OTUB1: variants seen among roughly 807,000 people sequenced by gnomAD.
OTUB1 encodes the protein OTU deubiquitinase, ubiquitin aldehyde binding 1, also known as ubiquitin thioesterase OTUB1.
A neutral mutation model predicts 35.8 loss-of-function variants in OTUB1; 10 were observed. The observed-to-expected ratio is 0.28, with a 90% CI of 0.17 to 0.47. The LOEUF (loss-of-function observed/expected upper bound fraction) is 0.47, where lower values mean the gene tolerates loss of function less well. Among genes scored for constraint, OTUB1 ranks in the 20% least tolerant of loss-of-function variants. The pLI is 0.99. For synonymous variants in OTUB1, 158 were observed against 143.8 expected, an observed-to-expected ratio of 1.10 and a Z score of -0.71; for missense variants, 264 against 351.6, an observed-to-expected ratio of 0.75 and a Z score of 1.99.
At chr11:63,990,398 T>G (rs1487057346) in intron 3 of OTUB1, 1 of 151,874 alleles carries the variant, frequency 6.6e-6, no homozygotes, top group Non-Finnish European at 1.5e-5. Context: ...GCCCAGGAGT[T>G]CAAGACCAAC....
intron 2 of OTUB1, 85 bp from the exon 3 acceptor site, chr11:63,988,569 C>A: frequency 1.6e-6 from 2 of 1,277,582 alleles, no homozygotes; most frequent in Non-Finnish European, 2.3e-6. Flanking sequence ...GGTGACCAGC[C>A]CAGCTCTTTT....
chr11:63,997,874 T>G lies in OTUB1; in HGVS notation c.*328T>G. On this transcript the variant is annotated 3_prime_UTR_variant, in exon 7 of 7. Coordinates refer to ENST00000538426, the MANE Select transcript of OTUB1 (RefSeq NM_017670.3). Reference sequence around the variant, plus strand: ...CCCCTCCTGCTTCGTTGGGTTCTGCTTCCTTCCCTTCTTAGCTGGCTCAGG... The same window carrying G: ...CCCCTCCTGCTTCGTTGGGTTCTGCGTCCTTCCCTTCTTAGCTGGCTCAGG... 1 of 642,466 alleles carries G rather than the reference T, an allele frequency of 1.6e-6. No homozygotes were observed. The highest frequency in any genetic ancestry group is 2.8e-6 in the Non-Finnish European group (1 of 356,894). The allele number at this position is 642,466 out of a possible 1,614,324, so 39.8% of individuals were successfully genotyped here. A position where few individuals can be genotyped will look rare whatever the true frequency, so the allele number is the denominator to read the frequency against.
intron 4 of OTUB1, 99 bp from the exon 5 acceptor site, chr11:63,996,758 G>A (rs779992695): frequency 1.9e-6 from 3 of 1,609,952 alleles, no homozygotes; most frequent in Non-Finnish European, 1.7e-6. Flanking sequence ...GCGATGGGCT[G>A]GACTCTGGCC....
chr11:63,996,774 A>G, intron 4 of OTUB1, 83 bp from the exon 5 acceptor site: 1 of 1,609,526 alleles, frequency 6.2e-7, no homozygotes, highest in South Asian at 1.1e-5. Flanking sequence ...TGGCCTTGCC[A>G]GGCGGGGCAG....
At chr11:63,995,428 TCAGGTGATCCAACCA>T (rs549160871) in intron 3 of OTUB1, among the ~76,000 whole-genome samples, 1,951 of 152,210 alleles carry the variant, frequency 0.013, 39 homozygotes, top group African/African-American at 0.045. Flanking sequence ...ACTCCCGACC[TCAGGTGATCCAACCA>T]CCTCAGCCTC....
chr11:63,987,922 T>G (rs1407208241), intron 1 of OTUB1, among the ~76,000 whole-genome samples: 1 of 152,048 alleles, frequency 6.6e-6, no homozygotes, highest in Non-Finnish European at 1.5e-5. Flanking sequence ...GATACCACGG[T>G]GCACCTCTGC....
At chr11:63,996,793 C>T (rs747508441) in intron 4 of OTUB1, 64 bp from the exon 5 acceptor site, 44 of 1,609,964 alleles carry the variant, frequency 2.7e-5, no homozygotes, top group Admixed American at 1.9e-4. Context: ...AGTGCTGTCT[C>T]GGCCCTGGCG....
chr11:63,996,290 G>A (rs1942715983), intron 3 of OTUB1, among the ~76,000 whole-genome samples: 1 of 152,194 alleles, frequency 6.6e-6, no homozygotes, highest in Admixed American at 6.6e-5. Context: ...GAACTTTAGT[G>A]ACCCATGCAA....
At position 63,998,318 on chromosome 11, in the gene OTUB1, C is replaced by T. The variant is rs569080024; in HGVS notation, c.*772C>T. Reference sequence around the variant, plus strand: ...ATTGCCTGCCTTTTTGCCTTCACCTCTTTTCTTCCCCGCCCCCTGCACATT... The same window carrying T: ...ATTGCCTGCCTTTTTGCCTTCACCTTTTTTCTTCCCCGCCCCCTGCACATT... On this transcript the variant is annotated 3_prime_UTR_variant, in exon 7 of 7. Transcript: ENST00000538426. The T allele has an allele frequency of 5.8e-6, 1 of 172,494 alleles. No homozygotes were observed. Among genetic ancestry groups the T allele is most frequent in the Non-Finnish European group, 1.3e-5 (1 of 79,994 alleles). 10.7% of individuals were successfully genotyped at this position (172,494 alleles called of 1,614,324 possible). A position where few individuals can be genotyped will look rare whatever the true frequency, so the allele number is the denominator to read the frequency against.
In OTUB1 at chr11:63,997,039, C is replaced by T. The variant is rs770545018; in HGVS notation, c.424-11C>T. On this transcript the variant is annotated splice_polypyrimidine_tract_variant and intron_variant, in intron 5 of 6. Coordinates refer to ENST00000538426, the MANE Select transcript of OTUB1 (RefSeq NM_017670.3). ...CCCGTCATCTTGCCCTTTCTCCCTC[C>T]GTGGCTGCAGTTCATGGACCTGATT... 9 of 1,612,930 alleles carry T rather than the reference C, an allele frequency of 5.6e-6. No individual in the cohort carries two copies. Among genetic ancestry groups the T allele is most frequent in the South Asian group, 3.3e-5 (3 of 91,060 alleles).
chr11:63,997,766 C>G lies in OTUB1; in HGVS notation c.*220C>G, dbSNP rs1375434434. ...TGCTCTGTCTGCTGCCCCCTCCCCC[C>G]AGGTGGGTCCCCCTGCTTTTCACCT... is the stretch of plus-strand genomic sequence containing the variant. On this transcript the variant is annotated 3_prime_UTR_variant, in exon 7 of 7. Transcript: ENST00000538426. 1.1e-5 allele frequency: 8 copies of G among 701,600 alleles called. No homozygotes were observed. Among genetic ancestry groups the G allele is most frequent in the East Asian group, 5.4e-5 (2 of 37,288 alleles). The allele number at this position is 701,600 out of a possible 1,614,324, so 43.5% of individuals were successfully genotyped here. A position where few individuals can be genotyped will look rare whatever the true frequency, so the allele number is the denominator to read the frequency against.
In OTUB1 at chr11:63,998,230, C is replaced by T. The variant is rs747102438; in HGVS notation, c.*684C>T. On this transcript the variant is annotated 3_prime_UTR_variant, in exon 7 of 7. Coordinates refer to ENST00000538426, the MANE Select transcript of OTUB1 (RefSeq NM_017670.3). ...GCTGCCGGTTCTCCACCTCCCCATC[C>T]GCCCCAGGCCCCCTGCCTGTGCCTG... is the stretch of plus-strand genomic sequence containing the variant. 5 of 177,876 alleles carry T rather than the reference C, an allele frequency of 2.8e-5. No homozygotes were observed. The highest frequency in any genetic ancestry group is 1.3e-4 in the South Asian group (1 of 7,888). The allele number at this position is 177,876 out of a possible 1,614,324, so 11.0% of individuals were successfully genotyped here.
chr11:63,987,944 A>G (rs914310650), intron 1 of OTUB1, among the ~76,000 whole-genome samples: 6 of 152,244 alleles, frequency 3.9e-5, no homozygotes, highest in African/African-American at 1.4e-4. Flanking sequence ...CCTTCATTTT[A>G]AAGATGAGGA....
intron 1 of OTUB1, among the ~76,000 whole-genome samples, chr11:63,987,500 C>T (rs969581537): frequency 6.6e-6 from 1 of 152,126 alleles, no homozygotes; most frequent in African/African-American, 2.4e-5. Flanking sequence ...ACTGGTATGC[C>T]TCTAAGAAAG....
chr11:63,990,014 CA>C (rs11306602), intron 3 of OTUB1: 60,931 of 118,442 alleles, frequency 0.51, 14,195 homozygotes, highest in African/African-American at 0.63. Flanking sequence ...GACTCCGTCT[CA>C]AAAAAAAAAA....
chr11:63,986,710 G>A (rs1042643758), intron 1 of OTUB1, 196 bp downstream of exon 1: 44 of 558,266 alleles, frequency 7.9e-5, no homozygotes, highest in Non-Finnish European at 1.3e-4. Flanking sequence ...CCGGGAGGGA[G>A]CACGGGCGAG....
Position 63,997,978 on chromosome 11 carries a change from T to C in OTUB1, c.*432T>C. On this transcript the variant is annotated 3_prime_UTR_variant, in exon 7 of 7. Transcript: ENST00000538426. Reference sequence around the variant, plus strand: ...CACCCACACTTCATCTGCTCCCTCATAGGCCCCACCTCCACGTCCCGGCTG... The same window carrying C: ...CACCCACACTTCATCTGCTCCCTCACAGGCCCCACCTCCACGTCCCGGCTG... The C allele has an allele frequency of 1.8e-6, 1 of 565,188 alleles. No homozygotes were observed. The highest frequency in any genetic ancestry group is 3.2e-6 in the Non-Finnish European group (1 of 316,712). The allele number at this position is 565,188 out of a possible 1,614,324, so 35.0% of individuals were successfully genotyped here. A position where few individuals can be genotyped will look rare whatever the true frequency, so the allele number is the denominator to read the frequency against.
At chr11:63,988,557 C>A in intron 2 of OTUB1, 97 bp from the exon 3 acceptor site, 3 of 1,247,982 alleles carry the variant, frequency 2.4e-6, no homozygotes, top group Non-Finnish European at 3.5e-6. Flanking sequence ...GCTGTGCCAC[C>A]GGGTGACCAG....
rs76467263 is a variant in OTUB1 at position 63,996,224 on chromosome 11, C to T, written c.220-306C>T. Among the ~76,000 whole-genome samples the T allele has an allele frequency of 2.8e-3, 431 of 152,300 alleles. 3 individuals are homozygous for T. Among genetic ancestry groups the T allele is most frequent in the African/African-American group, 0.01 (422 of 41,570 alleles). On this transcript the variant is annotated intron_variant, in intron 3 of 6. Coordinates refer to ENST00000538426, the MANE Select transcript of OTUB1 (RefSeq NM_017670.3). ...TCTTGGGCTGAAAGACTGGAGGAAA[C>T]GCATTGCTCAAGGACATTCACTCAC...
Sources: gnomAD v4.1 joint callset for allele counts (sites outside exome capture counted in the v4.1 genomes callset) on GRCh38, gnomAD v4.1.1 for gene constraint, MANE v1.5 for transcripts, NCBI Gene and HGNC (gene_info 2026-07-23, HGNC 2026-07-21) for gene names.